Variants in IQCH observed in about 807,000 individuals in gnomAD.
IQCH encodes the protein IQ domain-containing protein H.
Under a neutral mutation model 117.0 loss-of-function variants are expected in IQCH, and 98 were observed. That is an observed-to-expected ratio of 0.84 (90% confidence interval 0.71 to 0.99). The LOEUF (loss-of-function observed/expected upper bound fraction) is 0.99, where lower values mean the gene tolerates loss of function less well. Among genes scored for constraint, IQCH ranks in the 50% least tolerant of loss-of-function variants. The pLI is 0.00. For synonymous variants in IQCH, 412 were observed against 448.2 expected (o/e 0.92, Z 1.02); for missense variants, 1,102 against 1,243.8 (o/e 0.89, Z 1.72).
chr15:67,437,603 G>C (rs2140957269), intron 16 of IQCH, among the ~76,000 whole-genome samples: 1 of 152,250 alleles, frequency 6.6e-6, no homozygotes, highest in East Asian at 1.9e-4. Context: ...AAGCTAATCA[G>C]GGAGAGACCA....
rs776596388 is a variant in IQCH at position 67,424,420 on chromosome 15, T to A, written c.2505+2843T>A. ...GTGTGAGCATTCCTCGTACCACTTA[T>A]CTCAGTTACAAATTTAAACTTATTT... On this transcript the variant is annotated intron_variant, in intron 16 of 20. Transcript: ENST00000335894. This position sits in a 1 kb window ranked among gnomAD's most constrained non-coding sequence, Gnocchi z 4.9. Among the ~76,000 whole-genome samples the A allele has an allele frequency of 1.3e-5, 2 of 152,226 alleles. No homozygotes were observed. Among genetic ancestry groups the A allele is most frequent in the African/African-American group, 4.8e-5 (2 of 41,462 alleles).
Position 67,459,392 on chromosome 15 carries a change from A to C in IQCH, c.2506-5735A>C, listed in dbSNP as rs746200928. The stretch of plus-strand genomic sequence containing the variant: ...GGCAACACTAAACCCTTTGCTGAGA[A>C]CTTTATTTGCACAGAATGTAGGGCC... On this transcript the variant is annotated intron_variant, in intron 16 of 20. Coordinates refer to ENST00000335894, the MANE Select transcript of IQCH (RefSeq NM_001031715.3). The surrounding 1 kb of genome is among the most constrained non-coding windows in gnomAD (Gnocchi z 4.2). 6.6e-6 allele frequency among the ~76,000 whole-genome samples: 1 copy of C among 152,128 alleles called. No individual in the cohort carries two copies. The highest frequency in any genetic ancestry group is 2.4e-5 in the African/African-American group (1 of 41,426).
At chr15:67,277,556 C>T (rs1180474998) in intron 3 of IQCH, among the ~76,000 whole-genome samples, 11 of 126,654 alleles carry the variant, frequency 8.7e-5, no homozygotes, top group Admixed American at 6.4e-4. Flanking sequence ...TTTTTTTAGA[C>T]GGAGTCTCGC....
intron 16 of IQCH, among the ~76,000 whole-genome samples, chr15:67,460,684 G>T (rs1345274296): frequency 6.6e-6 from 1 of 152,322 alleles, no homozygotes; most frequent in East Asian, 1.9e-4. Context: ...GGCAACAAGT[G>T]ATTTCTGACT....
At chr15:67,435,345 G>C (rs1173887896) in intron 16 of IQCH, among the ~76,000 whole-genome samples, 2 of 152,082 alleles carry the variant, frequency 1.3e-5, no homozygotes, top group African/African-American at 4.8e-5. Flanking sequence ...AGCACCTCAG[G>C]AGGCTGAGGT....
intron 3 of IQCH, among the ~76,000 whole-genome samples, chr15:67,266,641 A>G (rs1432949680): frequency 1.3e-5 from 2 of 152,232 alleles, no homozygotes; most frequent in Non-Finnish European, 2.9e-5. Context: ...TGGGCGACAG[A>G]GCGAGACTCC....
At chr15:67,278,500 T>C (rs1244675747) in intron 3 of IQCH, among the ~76,000 whole-genome samples, 1 of 152,254 alleles carries the variant, frequency 6.6e-6, no homozygotes, top group East Asian at 1.9e-4. Flanking sequence ...TTCTGCTCCC[T>C]GCAAGCTGTG....
chr15:67,375,283 G>A (rs765284672), intron 10 of IQCH, among the ~76,000 whole-genome samples: 4 of 152,116 alleles, frequency 2.6e-5, no homozygotes, highest in Admixed American at 6.5e-5. Flanking sequence ...AAAAATTAGC[G>A]AGGCATGGTG....
In IQCH at chr15:67,413,304, C is replaced by G. The variant is rs2081496659; in HGVS notation, c.2098-3627C>G. On this transcript the variant is annotated intron_variant, in intron 14 of 20. Transcript: ENST00000335894. The surrounding 1 kb of genome is among the most constrained non-coding windows in gnomAD (Gnocchi z 5.0). ...TGTGGCTGTTGGGACCTTGTTGCTT[C>G]TTGGGAAAACAGTGTTCTTAGCTTG... Among the ~76,000 whole-genome samples the G allele has an allele frequency of 6.6e-6, 1 of 152,120 alleles. No individual in the cohort carries two copies. The highest frequency in any genetic ancestry group is 6.5e-5 in the Admixed American group (1 of 15,270).
Position 67,344,183 on chromosome 15 carries a change from C to T in IQCH, c.629C>T (p.Pro210Leu). ...LHSFDEARKI[P>L]TVATFTIPRE... ...AGTTTTGATGAAGCACGTAAGATTC[C>T]AACTGTAGGTAAGATACTCATGCAT... is the stretch of plus-strand genomic sequence containing the variant. Residue 210 changes from proline (P) to leucine (L), a missense_variant, in exon 6 of 21, where the codon CCA becomes CTA. By Grantham distance (98) the Pro-to-Leu change is moderately conservative. This residue lies in a region of IQCH where 452 missense variants were observed against 449.6 expected (regional missense o/e 1.01). Coordinates refer to ENST00000335894, the MANE Select transcript of IQCH (RefSeq NM_001031715.3). The T allele has an allele frequency of 6.2e-7, 1 of 1,613,128 alleles. No homozygotes were observed. Among genetic ancestry groups the T allele is most frequent in the Non-Finnish European group, 8.5e-7 (1 of 1,179,500 alleles).
At chr15:67,399,874 A>G (rs1482028357) in intron 13 of IQCH, among the ~76,000 whole-genome samples, 1 of 152,226 alleles carries the variant, frequency 6.6e-6, no homozygotes, top group African/African-American at 2.4e-5. Flanking sequence ...TAATTTCAGA[A>G]TTTCTCAAAT....
At chr15:67,309,910 A>T (rs1474166053) in intron 4 of IQCH, among the ~76,000 whole-genome samples, 1 of 149,900 alleles carries the variant, frequency 6.7e-6, no homozygotes, top group African/African-American at 2.5e-5. Flanking sequence ...AATGATGCCT[A>T]CTAGATAAGG....
intron 4 of IQCH, among the ~76,000 whole-genome samples, chr15:67,307,411 C>G (rs1306736241): frequency 1.4e-5 from 2 of 140,062 alleles, no homozygotes; most frequent in Admixed American, 1.6e-4. Context: ...TCACTGAAAG[C>G]ATATTCATTT....
chr15:67,476,437 A>T lies in IQCH; in HGVS notation c.2799+619A>T, dbSNP rs769497907. On this transcript the variant is annotated intron_variant, in intron 18 of 20. Transcript: ENST00000335894. This position sits in a 1 kb window ranked among gnomAD's most constrained non-coding sequence, Gnocchi z 4.1. The stretch of plus-strand genomic sequence containing the variant: ...ATCAAAGCATCACACCTACAGCCTC[A>T]TTTAACCTTAATCACTTCCTTAGAG... Among the ~76,000 whole-genome samples, 2 of 152,166 alleles carry T rather than the reference A, an allele frequency of 1.3e-5. No individual in the cohort carries two copies. The highest frequency in any genetic ancestry group is 2.9e-5 in the Non-Finnish European group (2 of 68,034).
chr15:67,428,974 G>A (rs1420547026), intron 16 of IQCH, among the ~76,000 whole-genome samples: 3 of 152,116 alleles, frequency 2.0e-5, no homozygotes, highest in Non-Finnish European at 4.4e-5. Context: ...AGCCAATGAA[G>A]GCACATGGCC....
At chr15:67,414,796 G>A (rs4776929) in intron 14 of IQCH, among the ~76,000 whole-genome samples, 1 of 151,754 alleles carries the variant, frequency 6.6e-6, no homozygotes, top group African/African-American at 2.4e-5. Flanking sequence ...TCTTTGGACT[G>A]TCTTGGTATG....
intron 9 of IQCH, among the ~76,000 whole-genome samples, chr15:67,372,905 A>G (rs1406118329): frequency 1.3e-5 from 2 of 151,874 alleles, no homozygotes; most frequent in Non-Finnish European, 2.9e-5. Flanking sequence ...CAATTTTTCT[A>G]TAGAAAAAAA....
At position 67,481,813 on chromosome 15, in the gene IQCH, T is replaced by C. The variant is rs1224727427; in HGVS notation, c.2799+5995T>C. Among the ~76,000 whole-genome samples the C allele has an allele frequency of 2.0e-5, 3 of 152,238 alleles. No homozygotes were observed. The highest frequency in any genetic ancestry group is 1.9e-4 in the East Asian group (1 of 5,202). On this transcript the variant is annotated intron_variant, in intron 18 of 20. Transcript: ENST00000335894. The surrounding 1 kb of genome is among the most constrained non-coding windows in gnomAD (Gnocchi z 4.1). The stretch of plus-strand genomic sequence containing the variant: ...AACAGATTAGAAACCAACTAAGTTC[T>C]TGAAAGAACTCAACATCAAGAGAAA...
At chr15:67,281,746 A>C (rs968596107) in intron 4 of IQCH, 1 of 454,740 alleles carries the variant, frequency 2.2e-6, no homozygotes, top group Non-Finnish European at 4.4e-6. Flanking sequence ...CCCTGTGGCA[A>C]CTATTTCAAA....
Sources: gnomAD v4.1 joint callset for allele counts (sites outside exome capture counted in the v4.1 genomes callset) on GRCh38, gnomAD v4.1.1 for gene constraint, gnomAD v4.1.1 regional missense constraint, Gnocchi (gnomAD v3.1) non-coding constraint, MANE v1.5 for transcripts, NCBI Gene and HGNC (gene_info 2026-07-23, HGNC 2026-07-21) for gene names.